The following MLLT10 variants were observed in gnomAD, a reference collection of about 807,000 sequenced individuals.
The protein encoded by MLLT10 is protein AF-10.
In MLLT10, 30 loss-of-function variants were observed where a neutral mutation model predicts 129.1. The observed-to-expected ratio is 0.23, with a 90% CI of 0.17 to 0.32. The LOEUF (loss-of-function observed/expected upper bound fraction) is 0.32, where lower values mean the gene tolerates loss of function less well. MLLT10 is among the 10% of genes least tolerant of loss of function. The pLI is 1.00. For synonymous variants in MLLT10, 490 were observed against 446.4 expected, an observed-to-expected ratio of 1.10 and a Z score of -1.23; for missense variants, 1,119 against 1,268.3, an observed-to-expected ratio of 0.88 and a Z score of 1.79.
At position 21,689,561 on chromosome 10, in the gene MLLT10, A is replaced by ATATGTGTATATATATATATATATATATG. The variant is rs1554850017; in HGVS notation, c.1699+7309_1699+7310insGTATATATATATATATATATATGTATGT. On this transcript the variant is annotated intron_variant, in intron 13 of 22. Transcript: ENST00000307729. ...TGTGTAAAGTAATATATATATATATATATGTATATATATATATATATATAT... is the reference window on the plus strand; with the variant it reads ...TGTGTAAAGTAATATATATATATATATATGTGTATATATATATATATATATATGTATGTATATATATATATATATATAT... 4.1e-4 allele frequency among the ~76,000 whole-genome samples: 37 copies of ATATGTGTATATATATATATATATATATG among 90,142 alleles called. 1 individual carries two copies. The highest frequency in any genetic ancestry group is 1.7e-3 in the African/African-American group (37 of 22,222). 59.1% of individuals were successfully genotyped at this position (90,142 alleles called of 152,430 possible).
intron 3 of MLLT10, among the ~76,000 whole-genome samples, chr10:21,572,871 A>G (rs562899468): frequency 1.3e-5 from 2 of 152,312 alleles, no homozygotes; most frequent in African/African-American, 4.8e-5. Context: ...TCGGCCTTCC[A>G]AAGTGCTGGG....
chr10:21,617,256 A>T (rs1387032717), intron 8 of MLLT10, 49 bp downstream of exon 8: 12 of 1,091,122 alleles, frequency 1.1e-5, no homozygotes, highest in African/African-American at 1.6e-5. Flanking sequence ...ACTTAATAGA[A>T]TTTTTTTTTG....
At chr10:21,534,216 C>G, upstream of MLLT10, 1 of 395,994 alleles carries the variant, frequency 2.5e-6, no homozygotes, top group Non-Finnish European at 4.5e-6. Context: ...TCCCTCACGC[C>G]GGCCGCAGGA....
chr10:21,647,254 T>G (rs1474577403), intron 8 of MLLT10, among the ~76,000 whole-genome samples: 5 of 152,064 alleles, frequency 3.3e-5, no homozygotes, highest in African/African-American at 4.8e-5. Flanking sequence ...TTTCTCCCCA[T>G]TGCAAATAGA....
Position 21,733,158 on chromosome 10 carries a change from T to C in MLLT10, c.2407+71T>C. Reference sequence around the variant, plus strand: ...CAGTTTTATTTGTATTATAAGTGAGTAATAATTGGTCACCAGTTATATGAA... The same window carrying C: ...CAGTTTTATTTGTATTATAAGTGAGCAATAATTGGTCACCAGTTATATGAA... On this transcript the variant is annotated intron_variant, in intron 18 of 22. Coordinates refer to ENST00000307729, the MANE Select transcript of MLLT10 (RefSeq NM_001195626.3). 4 of 1,401,878 alleles carry C rather than the reference T, an allele frequency of 2.9e-6. No homozygotes were observed. In the South Asian group the frequency reaches 4.4e-5, roughly 15 times the overall value. The allele number at this position is 1,401,878 out of a possible 1,614,324, so 86.8% of individuals were successfully genotyped here. A position where few individuals can be genotyped will look rare whatever the true frequency, so the allele number is the denominator to read the frequency against.
In MLLT10 at chr10:21,727,849, A is replaced by C; in HGVS notation, c.1991-7A>C. 6.2e-7 allele frequency: 1 copy of C among 1,612,376 alleles called. No homozygotes were observed. Among genetic ancestry groups the C allele is most frequent in the Non-Finnish European group, 8.5e-7 (1 of 1,178,600 alleles). ...ACTTTATCAGCTCTGAAATATTTAC[A>C]CTACAGATCAAGATCTTGGAGACAA... On this transcript the variant is annotated splice_region_variant and splice_polypyrimidine_tract_variant and intron_variant, in intron 15 of 22. Transcript: ENST00000307729.
chr10:21,734,228 C>T, intron 20 of MLLT10, 99 bp downstream of exon 20: 1 of 1,433,934 alleles, frequency 7.0e-7, no homozygotes, highest in Non-Finnish European at 9.3e-7. Flanking sequence ...TTTGTAGATA[C>T]ACCTTAAGAA....
chr10:21,615,760 T>A lies in MLLT10; in HGVS notation c.603+836T>A, dbSNP rs367945957. ...AGAAAAATATATTTAAATACAACTTTGGGAATTCTTTAGATTTGGTCACTA... is the reference window on the plus strand; with the variant it reads ...AGAAAAATATATTTAAATACAACTTAGGGAATTCTTTAGATTTGGTCACTA... On this transcript the variant is annotated intron_variant, in intron 7 of 22. Transcript: ENST00000307729. Among the ~76,000 whole-genome samples the A allele has an allele frequency of 2.6e-5, 4 of 152,296 alleles. No individual in the cohort carries two copies. The East Asian group carries it at 7.7e-4, about 29-fold the overall frequency.
At position 21,695,134 on chromosome 10, in the gene MLLT10, A is replaced by T. The variant is rs929998618; in HGVS notation, c.1699+12877A>T. Among the ~76,000 whole-genome samples, 30 of 133,608 alleles carry T rather than the reference A, an allele frequency of 2.2e-4. 1 individual carries two copies. Among genetic ancestry groups the T allele is most frequent in the Admixed American group, 6.2e-4 (7 of 11,352 alleles). The allele number at this position is 133,608 out of a possible 152,430, so 87.7% of individuals were successfully genotyped here. ...TCCAAGGCTGGAGTGCAGTGGTCTG[A>T]TCTTGGCTCACTGCAACCTCTGCCT... On this transcript the variant is annotated intron_variant, in intron 13 of 22. Coordinates refer to ENST00000307729, the MANE Select transcript of MLLT10 (RefSeq NM_001195626.3).
At chr10:21,733,294 A>G (rs115274715) in intron 18 of MLLT10, among the ~76,000 whole-genome samples, 5,474 of 152,234 alleles carry the variant, frequency 0.036, 164 homozygotes, top group African/African-American at 0.072. Context: ...AATTTACTTA[A>G]ATGTCTAATG....
chr10:21,719,562 G>A (rs2056989436), intron 14 of MLLT10, among the ~76,000 whole-genome samples: 1 of 152,168 alleles, frequency 6.6e-6, no homozygotes, highest in Admixed American at 6.5e-5. Flanking sequence ...AACGTTGTTA[G>A]TAATTTTACT....
chr10:21,555,062 C>G (rs1416313988), intron 3 of MLLT10, among the ~76,000 whole-genome samples: 1 of 151,982 alleles, frequency 6.6e-6, no homozygotes, highest in African/African-American at 2.4e-5. Context: ...CTCAGGTGAT[C>G]CACCCGCCTT....
intron 5 of MLLT10, among the ~76,000 whole-genome samples, chr10:21,607,257 CATT>C (rs1434811486): frequency 6.7e-6 from 1 of 150,370 alleles, no homozygotes; most frequent in East Asian, 2.0e-4. Flanking sequence ...TTATAATAAA[CATT>C]ATAAATGTTA....
chr10:21,682,108 A>G (rs1372071099), intron 12 of MLLT10, 117 bp from the exon 13 acceptor site: 4 of 707,318 alleles, frequency 5.7e-6, no homozygotes, highest in Non-Finnish European at 6.6e-6. Flanking sequence ...GATTCAAACA[A>G]TGATATATGA....
At position 21,708,791 on chromosome 10, in the gene MLLT10, C is replaced by G. The variant is rs898491708; in HGVS notation, c.1700-4981C>G. ...ATGTTGTGATGGTAATTGCAACTTTCAAAGTGTAGTAGAGACATTAGAGGA... is the reference window on the plus strand; with the variant it reads ...ATGTTGTGATGGTAATTGCAACTTTGAAAGTGTAGTAGAGACATTAGAGGA... On this transcript the variant is annotated intron_variant, in intron 13 of 22. Coordinates refer to ENST00000307729, the MANE Select transcript of MLLT10 (RefSeq NM_001195626.3). 4.8e-5 allele frequency: 46 copies of G among 961,094 alleles called. No homozygotes were observed. The African/African-American group carries it at 8.1e-4, about 17-fold the overall frequency. The allele number at this position is 961,094 out of a possible 1,614,324, so 59.5% of individuals were successfully genotyped here.
At chr10:21,730,870 T>G in intron 16 of MLLT10, 30 bp from the exon 17 acceptor site, 1 of 1,613,772 alleles carries the variant, frequency 6.2e-7, no homozygotes, top group Non-Finnish European at 8.5e-7. Context: ...GCATTCCCCT[T>G]CTTTTTAACT....
intron 13 of MLLT10, among the ~76,000 whole-genome samples, chr10:21,702,921 T>G (rs1398508769): frequency 1.3e-5 from 2 of 152,192 alleles, no homozygotes. Flanking sequence ...TCCATTACAT[T>G]TAAGGTTATT....
At chr10:21,593,826 C>G (rs551943640) in intron 4 of MLLT10, among the ~76,000 whole-genome samples, 30 of 144,084 alleles carry the variant, frequency 2.1e-4, no homozygotes, top group Non-Finnish European at 3.7e-4. Context: ...ACTTGGGAGG[C>G]TGAGGCAGGA....
At chr10:21,685,296 T>C (rs1481321340) in intron 13 of MLLT10, among the ~76,000 whole-genome samples, 2 of 152,210 alleles carry the variant, frequency 1.3e-5, no homozygotes, top group Admixed American at 6.5e-5. Context: ...ACAAAACTTA[T>C]TCTGGAAAAA....
Sources: allele counts gnomAD v4.1 joint callset (sites outside exome capture counted in the v4.1 genomes callset), GRCh38; gene constraint gnomAD v4.1.1; transcripts MANE v1.5; gene names NCBI Gene and HGNC (gene_info 2026-07-23, HGNC 2026-07-21).